Variants in SLC25A29 observed in about 807,000 individuals in gnomAD.
SLC25A29 encodes the protein solute carrier family 25 member 29.
In SLC25A29, 13 loss-of-function variants were observed where a neutral mutation model predicts 10.0. That is an observed-to-expected ratio of 1.30 (90% confidence interval 0.85 to 2.07). The LOEUF (loss-of-function observed/expected upper bound fraction) is 2.07, where lower values mean the gene tolerates loss of function less well. Ranked by LOEUF, SLC25A29 falls within the 30% of genes most tolerant of loss-of-function variation. SLC25A29 has a pLI of 0.00. For missense variants in SLC25A29, 475 were observed against 447.6 expected (o/e 1.06, Z -0.55); for synonymous variants, 244 against 221.1 (o/e 1.10, Z -0.92).
downstream of SLC25A29, among the ~76,000 whole-genome samples, chr14:100,288,758 G>A (rs144635884): frequency 2.2e-3 from 342 of 152,282 alleles, 1 homozygote; most frequent in African/African-American, 8.0e-3. Context: ...ATCAAGCAAA[G>A]TTTATCCAAT....
At chr14:100,305,777 C>T (rs1003961632) in intron 1 of SLC25A29, 2 of 169,098 alleles carry the variant, frequency 1.2e-5, no homozygotes, top group Admixed American at 6.4e-5. Flanking sequence ...CGCTGGATGG[C>T]TGCGCGGGAC....
In SLC25A29 at chr14:100,293,377, C is replaced by A. The variant is rs1176414373; in HGVS notation, c.79G>T (p.Val27Leu). 6.2e-7 allele frequency: 1 copy of A among 1,612,668 alleles called. No individual in the cohort carries two copies. Among genetic ancestry groups the A allele is most frequent in the Non-Finnish European group, 8.5e-7 (1 of 1,179,728 alleles). ...LVGHPFDTVK[V>L]RLQVQSVEKP... is the part of the protein sequence containing the mutation. ...TCCACGCTCTGGACCTGAAGCCGTA[C>A]CTGGAAGGAGAGGGTCCAGTGAGAG... The change falls in exon 3 of 4, where the codon GTA (valine) becomes TTA (leucine). Residue 27 changes from valine (V) to leucine (L), a missense_variant and splice_region_variant. Physicochemically the swap from Val to Leu is conservative, Grantham distance 32. Transcript: ENST00000359232.
chr14:100,293,059 C>A, intron 3 of SLC25A29, 27 bp from the exon 4 acceptor site: 1 of 1,502,662 alleles, frequency 6.7e-7, no homozygotes, highest in Non-Finnish European at 8.8e-7. Context: ...GCCATCAGAG[C>A]CGGCAACGCG....
At chr14:100,288,583 C>G (rs1891593174), downstream of SLC25A29, among the ~76,000 whole-genome samples, 2 of 148,890 alleles carry the variant, frequency 1.3e-5, no homozygotes, top group African/African-American at 5.0e-5. Flanking sequence ...GCCTCACCCC[C>G]CTCCCCAGCC....
Position 100,306,276 on chromosome 14 carries a change from C to T in SLC25A29, c.-44G>A. 8.0e-7 allele frequency: 1 copy of T among 1,245,236 alleles called. No individual in the cohort carries two copies. Among genetic ancestry groups the T allele is most frequent in the Non-Finnish European group, 1.1e-6 (1 of 950,572 alleles). The allele number at this position is 1,245,236 out of a possible 1,614,324, so 77.1% of individuals were successfully genotyped here. ...GCCGCCTTTCCTCCTCGTCCTCCCC[C>T]TGAGGCCCCTCGCCGGGCTGGGCGC... On this transcript the variant is annotated 5_prime_UTR_variant, in exon 1 of 4. Coordinates refer to ENST00000359232, the MANE Select transcript of SLC25A29 (RefSeq NM_001039355.3).
intron 1 of SLC25A29, chr14:100,299,953 C>G: frequency 1.0e-6 from 1 of 985,426 alleles, no homozygotes; most frequent in South Asian, 4.7e-5. Flanking sequence ...TGTATCTTTA[C>G]CTAACATCCT....
intron 2 of SLC25A29, chr14:100,293,966 G>A (rs1891965638): frequency 6.5e-6 from 1 of 152,970 alleles, no homozygotes; most frequent in Non-Finnish European, 1.5e-5. Context: ...AAAAAAATTA[G>A]CCTAGTGTGG....
the SLC25A29 span, chr14:100,281,060 CCAAAAAAAAAAAAAAAAAAA>C: frequency 2.1e-5 from 1 of 47,776 alleles, no homozygotes; most frequent in Non-Finnish European, 3.5e-5. Flanking sequence ...ACTCCGTCTC[CCAAAAAAAAAAAAAAAAAAA>C]AAAAAAAGGA....
intron 1 of SLC25A29, among the ~76,000 whole-genome samples, chr14:100,304,012 C>T (rs1221008453): frequency 6.6e-6 from 1 of 152,168 alleles, no homozygotes; most frequent in East Asian, 1.9e-4. Flanking sequence ...CCAAACCTTC[C>T]ACCATGCAAG....
chr14:100,286,474 G>GC (rs1160938262), downstream of SLC25A29, among the ~76,000 whole-genome samples: 4 of 142,152 alleles, frequency 2.8e-5, no homozygotes, highest in East Asian at 2.2e-4. Context: ...CATGGCTGGG[G>GC]GGGGGGGTGT....
the SLC25A29 span, chr14:100,282,868 T>C: frequency 1.3e-5 from 2 of 152,234 alleles, no homozygotes; most frequent in Non-Finnish European, 2.9e-5. Flanking sequence ...AACCAGGCCA[T>C]GAGCCCTTCC....
chr14:100,283,912 C>G, the SLC25A29 span, among the ~76,000 whole-genome samples: 1 of 150,564 alleles, frequency 6.6e-6, no homozygotes, highest in African/African-American at 2.4e-5. Flanking sequence ...GAGACAGGGT[C>G]TTGCTATCAC....
intron 1 of SLC25A29, among the ~76,000 whole-genome samples, chr14:100,302,049 TC>T (rs1438162367): frequency 7.2e-6 from 1 of 138,646 alleles, no homozygotes. Context: ...TTAGAGCCTT[TC>T]TTTTTTTTTT....
the SLC25A29 span, chr14:100,280,620 A>G: frequency 1.3e-5 from 2 of 151,140 alleles, no homozygotes; most frequent in African/African-American, 4.9e-5. Flanking sequence ...TTTTTTTCCT[A>G]TTTGGTTTTC....
chr14:100,305,852 T>C (rs973043109), intron 1 of SLC25A29: 3 of 264,604 alleles, frequency 1.1e-5, no homozygotes, highest in Non-Finnish European at 2.1e-5. Flanking sequence ...GCGCAACGGA[T>C]GGGGATGGGG....
intron 2 of SLC25A29, chr14:100,295,746 A>G: frequency 3.9e-6 from 5 of 1,289,272 alleles, no homozygotes; most frequent in Non-Finnish European, 5.1e-6. Flanking sequence ...TTTCAACATC[A>G]CATCCAGGCG....
chr14:100,280,748 G>A, the SLC25A29 span: 1 of 152,136 alleles, frequency 6.6e-6, no homozygotes, highest in Non-Finnish European at 1.5e-5. Context: ...ACAAGTAGAT[G>A]AGAGTCACTT....
At chr14:100,288,629 A>C (rs2139642385), downstream of SLC25A29, among the ~76,000 whole-genome samples, 1 of 136,038 alleles carries the variant, frequency 7.4e-6, no homozygotes, top group South Asian at 2.3e-4. Context: ...CCTTGGCTAC[A>C]TCTGCCCTTC....
At chr14:100,287,344 T>G (rs987623824), downstream of SLC25A29, among the ~76,000 whole-genome samples, 2 of 152,268 alleles carry the variant, frequency 1.3e-5, no homozygotes, top group African/African-American at 4.8e-5. Context: ...ACCAAGGACC[T>G]GAGCACCAGC....
Sources: allele counts gnomAD v4.1 joint callset (sites outside exome capture counted in the v4.1 genomes callset), GRCh38; gene constraint gnomAD v4.1.1; transcripts MANE v1.5; gene names NCBI Gene and HGNC (gene_info 2026-07-23, HGNC 2026-07-21).